The following PTPRD variants were observed in gnomAD, a reference collection of about 807,000 sequenced individuals.
The protein encoded by PTPRD is receptor-type tyrosine-protein phosphatase delta.
In PTPRD, 34 loss-of-function variants were observed where a neutral mutation model predicts 214.5. The ratio of observed to expected loss-of-function variants is 0.16; its 90% confidence interval spans 0.12 to 0.21. The LOEUF (loss-of-function observed/expected upper bound fraction) is 0.21. PTPRD is among the 10% of genes least tolerant of loss of function. The probability of loss-of-function intolerance (pLI) is 1.00; values close to 1 mark genes in which losing one functional copy is unlikely to be tolerated. For missense variants in PTPRD, 2,545 were observed against 2,398.7 expected (o/e 1.06, Z -1.27); for synonymous variants, 1,128 against 845.7 (o/e 1.33, Z -5.79).
chr9:9,669,065 T>TA (rs1486261085), intron 7 of PTPRD, among the ~76,000 whole-genome samples: 5 of 152,184 alleles, frequency 3.3e-5, no homozygotes, highest in African/African-American at 1.2e-4. Flanking sequence ...CTCTTTATTC[T>TA]AAAAAAGATT....
At chr9:8,900,777 T>C (rs2098662141) in intron 11 of PTPRD, among the ~76,000 whole-genome samples, 1 of 152,166 alleles carries the variant, frequency 6.6e-6, no homozygotes, top group South Asian at 2.1e-4. Context: ...TGGGGGAAAA[T>C]GGTCCCAAAG....
At chr9:9,989,393 G>A (rs76804172) in intron 4 of PTPRD, among the ~76,000 whole-genome samples, 1,813 of 152,170 alleles carry the variant, frequency 0.012, 16 homozygotes, top group Non-Finnish European at 0.015. Flanking sequence ...GGAGCAGAGC[G>A]GCAGAGAAGA....
At chr9:9,174,864 A>T (rs1276980113) in intron 10 of PTPRD, among the ~76,000 whole-genome samples, 1 of 152,026 alleles carries the variant, frequency 6.6e-6, no homozygotes. Context: ...GAATGTTGCT[A>T]GCTCACCCAA....
chr9:10,463,624 T>G (rs2131382693), intron 2 of PTPRD, among the ~76,000 whole-genome samples: 1 of 152,302 alleles, frequency 6.6e-6, no homozygotes, highest in South Asian at 2.1e-4. Context: ...AAGAGGGTTT[T>G]TTTTTCTATG....
At chr9:10,278,777 G>C (rs572990169) in intron 3 of PTPRD, among the ~76,000 whole-genome samples, 2 of 145,072 alleles carry the variant, frequency 1.4e-5, no homozygotes, top group African/African-American at 4.9e-5. Context: ...TTTTTGTTTT[G>C]TTTTGTTTTG....
At chr9:10,369,734 C>G (rs1283880642) in intron 2 of PTPRD, among the ~76,000 whole-genome samples, 1 of 152,008 alleles carries the variant, frequency 6.6e-6, no homozygotes, top group African/African-American at 2.4e-5. Flanking sequence ...CTGGATCAGA[C>G]AGTAAGTCTT....
intron 5 of PTPRD, among the ~76,000 whole-genome samples, chr9:9,835,762 G>C (rs1405834408): frequency 6.6e-6 from 1 of 152,016 alleles, no homozygotes; most frequent in Non-Finnish European, 1.5e-5. Flanking sequence ...TCATAACACA[G>C]GAGTGGAATC....
chr9:9,978,327 G>T (rs925121611), intron 4 of PTPRD, among the ~76,000 whole-genome samples: 1 of 152,096 alleles, frequency 6.6e-6, no homozygotes, highest in Non-Finnish European at 1.5e-5. Context: ...TAGATTAAAA[G>T]ATGGGGAACT....
chr9:9,330,485 T>C (rs1374616796), intron 9 of PTPRD, among the ~76,000 whole-genome samples: 1 of 152,106 alleles, frequency 6.6e-6, no homozygotes, highest in African/African-American at 2.4e-5. Flanking sequence ...AATTTTAATG[T>C]ATGGCCACAT....
intron 3 of PTPRD, among the ~76,000 whole-genome samples, chr9:10,151,014 A>C (rs537021428): frequency 6.6e-6 from 1 of 151,444 alleles, no homozygotes; most frequent in South Asian, 2.1e-4. Flanking sequence ...AAATAAGTAT[A>C]ATATTTGGGT....
intron 14 of PTPRD, among the ~76,000 whole-genome samples, chr9:8,591,192 T>C (rs2094075439): frequency 6.6e-6 from 1 of 152,186 alleles, no homozygotes; most frequent in African/African-American, 2.4e-5. Flanking sequence ...GACAAATGAA[T>C]AGTAACATCA....
intron 5 of PTPRD, among the ~76,000 whole-genome samples, chr9:9,846,784 T>A (rs951842174): frequency 6.6e-6 from 1 of 152,006 alleles, no homozygotes; most frequent in African/African-American, 2.4e-5. Flanking sequence ...AAATGAAACA[T>A]TGAGAGCTGG....
intron 3 of PTPRD, among the ~76,000 whole-genome samples, chr9:10,340,337 C>T (rs540655510): frequency 6.6e-6 from 1 of 152,026 alleles, no homozygotes; most frequent in South Asian, 2.1e-4. Context: ...ACAGCATATA[C>T]AGGGTCAACC....
intron 8 of PTPRD, among the ~76,000 whole-genome samples, chr9:9,456,158 T>G (rs907064843): frequency 2.6e-5 from 4 of 151,902 alleles, no homozygotes; most frequent in African/African-American, 7.2e-5. Context: ...GAAATTTAAT[T>G]ATAACAACTG....
chr9:8,933,889 C>G (rs1188088190), intron 11 of PTPRD, among the ~76,000 whole-genome samples: 2 of 152,104 alleles, frequency 1.3e-5, no homozygotes, highest in Non-Finnish European at 2.9e-5. Context: ...AATCACAAAT[C>G]TAGTATTCCT....
intron 3 of PTPRD, among the ~76,000 whole-genome samples, chr9:10,306,737 T>C (rs1478219202): frequency 6.6e-6 from 1 of 152,130 alleles, no homozygotes; most frequent in East Asian, 1.9e-4. Context: ...TTGCTTCAAG[T>C]ATCAACAGCT....
chr9:9,987,491 T>C (rs544922138), intron 4 of PTPRD, among the ~76,000 whole-genome samples: 1 of 152,130 alleles, frequency 6.6e-6, no homozygotes, highest in Admixed American at 6.5e-5. Context: ...AAACTCCTGT[T>C]TCTAAAACCA....
intron 5 of PTPRD, among the ~76,000 whole-genome samples, chr9:9,835,055 T>C (rs1237313814): frequency 6.6e-6 from 1 of 152,084 alleles, no homozygotes; most frequent in Admixed American, 6.6e-5. Context: ...AGTTACATAA[T>C]CATCCAAAAG....
At chr9:8,751,679 T>C (rs2093548840) in intron 11 of PTPRD, among the ~76,000 whole-genome samples, 1 of 152,214 alleles carries the variant, frequency 6.6e-6, no homozygotes, top group African/African-American at 2.4e-5. Flanking sequence ...ATTTCATCCC[T>C]TAGTCTTCAC....
Sources: gnomAD v4.1 joint callset for allele counts (sites outside exome capture counted in the v4.1 genomes callset) on GRCh38, gnomAD v4.1.1 for gene constraint, MANE v1.5 for transcripts, NCBI Gene and HGNC (gene_info 2026-07-23, HGNC 2026-07-21) for gene names.